The following MINDY4 variants were observed in gnomAD, a reference collection of about 807,000 sequenced individuals.
MINDY4 encodes the protein probable ubiquitin carboxyl-terminal hydrolase MINDY-4.
In MINDY4, 68 loss-of-function variants were observed where a neutral mutation model predicts 87.0. The observed-to-expected ratio is 0.78, with a 90% CI of 0.64 to 0.96. The LOEUF (loss-of-function observed/expected upper bound fraction) is 0.96, where lower values mean the gene tolerates loss of function less well. Ranked by LOEUF, MINDY4 falls within the 40% of genes least tolerant of loss-of-function variation. MINDY4 has a pLI of 0.00. For synonymous variants in MINDY4, 379 were observed against 363.2 expected (o/e 1.04, Z -0.50); for missense variants, 919 against 928.2 (o/e 0.99, Z 0.13).
chr7:30,772,112 A>G (rs1436975146), intron 1 of MINDY4, among the ~76,000 whole-genome samples: 1 of 152,164 alleles, frequency 6.6e-6, no homozygotes, highest in Non-Finnish European at 1.5e-5. Context: ...AGTGTTCACA[A>G]GCTTGGAAGG....
chr7:30,793,189 T>G (rs1018148034), intron 5 of MINDY4, among the ~76,000 whole-genome samples: 5 of 149,910 alleles, frequency 3.3e-5, no homozygotes, highest in African/African-American at 9.7e-5. Context: ...TCTTTATGAT[T>G]GCAATCCTTT....
In MINDY4 at chr7:30,771,461, G is replaced by T. The variant is rs746633233; in HGVS notation, c.-33G>T. 1.0e-5 allele frequency: 16 copies of T among 1,590,960 alleles called. No homozygotes were observed. The highest frequency in any genetic ancestry group is 1.0e-5 in the Non-Finnish European group (12 of 1,170,392). ...CAGTTGCCTGGTGCTGCGGCCCGGC[G>T]TGGGCCTCGTGGGCAGAGCCAGAGC... On this transcript the variant is annotated 5_prime_UTR_variant, in exon 1 of 18. Transcript: ENST00000265299.
At chr7:30,846,855 A>G (rs1326458090) in intron 9 of MINDY4, among the ~76,000 whole-genome samples, 2 of 152,168 alleles carry the variant, frequency 1.3e-5, no homozygotes, top group Non-Finnish European at 2.9e-5. Context: ...CCTCGCATGC[A>G]CAATTCACAA....
At chr7:30,822,108 C>T (rs148954173) in intron 5 of MINDY4, among the ~76,000 whole-genome samples, 34 of 152,098 alleles carry the variant, frequency 2.2e-4, no homozygotes, top group African/African-American at 3.1e-4. Flanking sequence ...TTTCAGCATG[C>T]GTCTCCTAAG....
chr7:30,791,610 A>C (rs1256993529), intron 5 of MINDY4, 36 bp downstream of exon 5: 5 of 1,556,808 alleles, frequency 3.2e-6, no homozygotes, highest in Non-Finnish European at 3.5e-6. Flanking sequence ...GCTTTTCAAA[A>C]AGAAGCTCCA....
intron 13 of MINDY4, among the ~76,000 whole-genome samples, chr7:30,871,275 C>G (rs1408926038): frequency 6.6e-6 from 1 of 152,210 alleles, no homozygotes; most frequent in Non-Finnish European, 1.5e-5. Context: ...CTACTTCATT[C>G]GGGTCTGGGG....
At chr7:30,879,080 G>T (rs1341973981) in intron 15 of MINDY4, among the ~76,000 whole-genome samples, 1 of 152,192 alleles carries the variant, frequency 6.6e-6, no homozygotes, top group Non-Finnish European at 1.5e-5. Flanking sequence ...TGGTTTTCCA[G>T]TCCTCTGAGA....
intron 15 of MINDY4, among the ~76,000 whole-genome samples, chr7:30,876,166 T>C (rs991287030): frequency 5.3e-5 from 8 of 151,998 alleles, no homozygotes; most frequent in African/African-American, 1.9e-4. Context: ...CTCTTCTAGC[T>C]CTCGGTGTTT....
intron 1 of MINDY4, among the ~76,000 whole-genome samples, chr7:30,772,714 C>T (rs573779652): frequency 6.6e-6 from 1 of 152,132 alleles, no homozygotes; most frequent in Admixed American, 6.5e-5. Context: ...TTGGCTTTGT[C>T]GCATCTGCCC....
At chr7:30,862,372 G>A (rs1254299241) in intron 13 of MINDY4, among the ~76,000 whole-genome samples, 2 of 152,214 alleles carry the variant, frequency 1.3e-5, no homozygotes, top group Admixed American at 6.5e-5. Context: ...GTGGGAGTGC[G>A]CCCGTGAATA....
In MINDY4 at chr7:30,853,434, CT is replaced by C. The variant is rs1341315097; in HGVS notation, c.1656del (p.Leu553PhefsTer42). 12 of 1,613,438 alleles carry C rather than the reference CT, an allele frequency of 7.4e-6. No individual in the cohort carries two copies. In the Admixed American group the frequency reaches 1.8e-4, roughly 25 times the overall value. On this transcript the variant is annotated frameshift_variant, in exon 12 of 18. Transcript: ENST00000265299. LOFTEE classifies it high-confidence loss of function. ...TTGACCTGCTATGAGGACCTGGTGACTTTTCTTCAACAAAGCATTCATCAGG... is the reference window on the plus strand; with the variant it reads ...TTGACCTGCTATGAGGACCTGGTGACTTTCTTCAACAAAGCATTCATCAGG... ...HSLTCYEDLV[T>X]FLQQSIHQFE...
intron 14 of MINDY4, among the ~76,000 whole-genome samples, chr7:30,874,649 C>G (rs1032163822): frequency 6.6e-6 from 1 of 152,202 alleles, no homozygotes; most frequent in Admixed American, 6.5e-5. Flanking sequence ...ATGCCTCATG[C>G]CACGTAGCAA....
At chr7:30,793,370 G>T (rs1016317097) in intron 5 of MINDY4, among the ~76,000 whole-genome samples, 13 of 147,948 alleles carry the variant, frequency 8.8e-5, no homozygotes. Flanking sequence ...TTTTTAGCAG[G>T]TATGTTAAAT....
At chr7:30,788,667 C>T (rs1787229136) in intron 4 of MINDY4, among the ~76,000 whole-genome samples, 1 of 152,132 alleles carries the variant, frequency 6.6e-6, no homozygotes, top group Admixed American at 6.5e-5. Context: ...AACTGATTTT[C>T]AAGAAAATGC....
chr7:30,850,433 C>A, intron 9 of MINDY4, 21 bp from the exon 10 acceptor site: 3 of 1,602,394 alleles, frequency 1.9e-6, no homozygotes, highest in Non-Finnish European at 2.6e-6. Context: ...GGCATAAATG[C>A]CTTCCTTTTC....
intron 17 of MINDY4, among the ~76,000 whole-genome samples, chr7:30,889,108 T>C (rs982584517): frequency 6.6e-6 from 1 of 152,236 alleles, no homozygotes; most frequent in African/African-American, 2.4e-5. Context: ...CTGCCTCCCT[T>C]CTGCCACCCT....
intron 6 of MINDY4, among the ~76,000 whole-genome samples, chr7:30,835,562 G>C (rs1293605077): frequency 3.3e-5 from 5 of 152,226 alleles, no homozygotes; most frequent in African/African-American, 1.2e-4. Flanking sequence ...TGCTTGTTCA[G>C]TGGCCTGAGT....
intron 5 of MINDY4, among the ~76,000 whole-genome samples, chr7:30,828,407 C>T (rs895754488): frequency 5.1e-4 from 77 of 152,184 alleles, no homozygotes; most frequent in African/African-American, 1.1e-3. Flanking sequence ...GCTTGGCAAA[C>T]GCCAACCTAC....
intron 5 of MINDY4, among the ~76,000 whole-genome samples, chr7:30,819,191 G>A (rs1788249351): frequency 6.6e-6 from 1 of 152,016 alleles, no homozygotes. Context: ...GCTATACACT[G>A]CCCTCTCCAT....
Sources: allele counts gnomAD v4.1 joint callset (sites outside exome capture counted in the v4.1 genomes callset), GRCh38; gene constraint gnomAD v4.1.1; transcripts MANE v1.5; gene names NCBI Gene and HGNC (gene_info 2026-07-23, HGNC 2026-07-21).